The following CCDC22 variants were observed in gnomAD, a reference collection of about 807,000 sequenced individuals.
CCDC22 encodes the protein CCC complex scaffolding subunit CCDC22.
Under a neutral mutation model 53.1 loss-of-function variants are expected in CCDC22, and 4 were observed. The observed-to-expected ratio is 0.08, with a 90% CI of 0.04 to 0.17. The LOEUF (loss-of-function observed/expected upper bound fraction) is 0.17. Ranked by LOEUF, CCDC22 falls within the 10% of genes least tolerant of loss-of-function variation. CCDC22 has a pLI of 1.00. For synonymous variants in CCDC22, 222 were observed against 224.4 expected (o/e 0.99, Z 0.10); for missense variants, 458 against 554.0 (o/e 0.83, Z 1.74).
At chrX:49,238,741 G>A (rs926370847) in intron 2 of CCDC22, among the ~76,000 whole-genome samples, 2 of 110,657 alleles carry the variant, frequency 1.8e-5, no homozygotes, top group Non-Finnish European at 3.8e-5. Context: ...TAAATTTTTC[G>A]TAGAGACGGG....
rs886519302 is a variant in CCDC22 at position 49,249,361 on chromosome X, C to T, written c.1635+99C>T. On this transcript the variant is annotated intron_variant, in intron 14 of 16. Coordinates refer to ENST00000376227, the MANE Select transcript of CCDC22 (RefSeq NM_014008.5). ...CTGGGGTCCAGACCCAGGCCCTGTG[C>T]GAGGCTGGAGGTGCACTGATACCCA... The T allele has an allele frequency of 2.0e-5, 18 of 879,494 alleles. No homozygotes were observed. The South Asian group carries it at 3.4e-4, about 17-fold the overall frequency. The allele number at this position is 879,494 out of a possible 1,213,427, so 72.5% of individuals were successfully genotyped here.
intron 6 of CCDC22, among the ~76,000 whole-genome samples, chrX:49,245,972 G>GTTTTTTTTTTTTT (rs57878026): frequency 9.6e-6 from 1 of 103,728 alleles, no homozygotes; most frequent in Admixed American, 1.0e-4. Context: ...GTTTTGTTTT[G>GTTTTTTTTTTTTT]TTTTTTTTTT....
intron 2 of CCDC22, among the ~76,000 whole-genome samples, chrX:49,238,075 CTTTTTTTT>C (rs58787414): frequency 4.7e-5 from 4 of 84,377 alleles, no homozygotes; most frequent in East Asian, 7.2e-4. Context: ...TTCTTTTTTT[CTTTTTTTT>C]TTTTTTTTGA....
Position 49,242,172 on chromosome X carries a change from C to T in CCDC22, c.361+24C>T, listed in dbSNP as rs373797772. The T allele has an allele frequency of 1.1e-3, 1,328 of 1,197,166 alleles. 2 individuals are homozygous for T. The highest frequency in any genetic ancestry group is 1.2e-3 in the Non-Finnish European group (1,066 of 888,450). ...AGGTACTGGGTGTCTGGGGTGTGGG[C>T]GGGGGCGGTGAGGGGAGAGGAGGGC... On this transcript the variant is annotated intron_variant, in intron 3 of 16. Coordinates refer to ENST00000376227, the MANE Select transcript of CCDC22 (RefSeq NM_014008.5).
At chrX:49,236,177 C>T (rs782545737) in intron 1 of CCDC22, among the ~76,000 whole-genome samples, 2 of 102,915 alleles carry the variant, frequency 1.9e-5, no homozygotes, top group African/African-American at 3.5e-5. Context: ...TCCCCAAACA[C>T]CTGGGGCTTA....
chrX:49,239,337 C>A, intron 2 of CCDC22: 1 of 332,722 alleles, frequency 3.0e-6, no homozygotes, highest in Non-Finnish European at 3.9e-6. Context: ...AGAATTGTAG[C>A]TACTGTATAG....
At chrX:49,240,058 T>C (rs1228271686) in intron 2 of CCDC22, among the ~76,000 whole-genome samples, 12 of 107,277 alleles carry the variant, frequency 1.1e-4, no homozygotes, top group African/African-American at 4.1e-4. Flanking sequence ...GAGATCAGCC[T>C]GGGCAACATA....
At chrX:49,242,374 G>C in intron 3 of CCDC22, 1 of 737,732 alleles carries the variant, frequency 1.4e-6, no homozygotes, top group Non-Finnish European at 1.6e-6. Context: ...GGTGCGGGGA[G>C]GGGCCTCCCT....
In CCDC22 at chrX:49,246,822, C is replaced by T. The variant is rs782107420; in HGVS notation, c.806C>T (p.Ala269Val). 8.3e-7 allele frequency: 1 copy of T among 1,200,333 alleles called. No homozygotes were observed. The highest frequency in any genetic ancestry group is 1.1e-6 in the Non-Finnish European group (1 of 889,411). Reference sequence around the variant, plus strand: ...GGCCTGCTTGGGGCCCCCATACAAGCCCGGGACCTGGGAGAACTGCTGCAG... The same window carrying T: ...GGCCTGCTTGGGGCCCCCATACAAGTCCGGGACCTGGGAGAACTGCTGCAG... ...SWGLLGAPIQARDLGELLQAW... is the reference protein window; with the variant it reads ...SWGLLGAPIQVRDLGELLQAW... The change falls in exon 7 of 17, where the codon GCC becomes GTC. Residue 269 changes from alanine to valine, a missense_variant. Ala to Val is a moderately conservative substitution (Grantham distance 64). Transcript: ENST00000376227.
chrX:49,241,898 G>A (rs1337161004), intron 2 of CCDC22, 118 bp from the exon 3 acceptor site: 4 of 791,184 alleles, frequency 5.1e-6, no homozygotes, highest in Non-Finnish European at 7.4e-6. Flanking sequence ...TTGGGGAGCT[G>A]GGGGAGGTTG....
intron 6 of CCDC22, among the ~76,000 whole-genome samples, chrX:49,246,178 G>A (rs2065988852): frequency 9.0e-6 from 1 of 111,018 alleles, no homozygotes; most frequent in Non-Finnish European, 1.9e-5. Flanking sequence ...TACCATGTTG[G>A]CCAGGCTGGT....
chrX:49,249,447 T>G, intron 14 of CCDC22, 62 bp from the exon 15 acceptor site: 5 of 1,093,573 alleles, frequency 4.6e-6, no homozygotes, highest in Non-Finnish European at 6.3e-6. Flanking sequence ...GTGGCCTTCT[T>G]AGGGCATGGA....
chrX:49,248,898 C>A lies in CCDC22; in HGVS notation c.1513C>A (p.Arg505=), dbSNP rs782471588. 8.3e-7 allele frequency: 1 copy of A among 1,210,374 alleles called. No individual in the cohort carries two copies. Among genetic ancestry groups the A allele is most frequent in the East Asian group, 3.0e-5 (1 of 33,827 alleles). Residue 505 remains arginine, a synonymous_variant, in exon 13 of 17, where the codon CGG becomes AGG. Transcript: ENST00000376227. ...QRILEIVGNI[R]KQKEEITKIL... The stretch of plus-strand genomic sequence containing the variant: ...CATCCTGGAGATCGTGGGCAACATC[C>A]GGAAGCAGAAGGAAGAGATCACCAA...
At chrX:49,238,509 G>A (rs782725936) in intron 2 of CCDC22, among the ~76,000 whole-genome samples, 3 of 112,792 alleles carry the variant, frequency 2.7e-5, no homozygotes, top group Non-Finnish European at 5.6e-5. Context: ...TACCTCTGTG[G>A]GAACCACATA....
At chrX:49,237,013 C>A (rs2065941049) in intron 1 of CCDC22, 73 bp from the exon 2 acceptor site, 1 of 1,032,214 alleles carries the variant, frequency 9.7e-7, no homozygotes, top group Non-Finnish European at 1.3e-6. Context: ...CTAGTGTTTC[C>A]AAAAGGCTGC....
intron 2 of CCDC22, among the ~76,000 whole-genome samples, chrX:49,238,374 C>T (rs1302319901): frequency 9.0e-6 from 1 of 111,304 alleles, no homozygotes; most frequent in East Asian, 2.8e-4. Flanking sequence ...CCACTGCGCC[C>T]GGCCGACACG....
rs782674347 is a variant in CCDC22 at position 49,249,556 on chromosome X, T to C, written c.1683T>C (p.Ala561=). The stretch of plus-strand genomic sequence containing the variant: ...TTCGGAAGGCCTATAAGTATCTAGC[T>C]GCTCTGCACGAGGTGAGGGGAGACA... The part of the protein sequence containing the change: ...DAVRKAYKYL[A]ALHENCSQLI... Residue 561 remains alanine, a synonymous_variant, in exon 15 of 17, where the codon GCT becomes GCC. Transcript: ENST00000376227. 2 of 1,097,560 alleles carry C rather than the reference T, an allele frequency of 1.8e-6. No individual in the cohort carries two copies. Among genetic ancestry groups the C allele is most frequent in the African/African-American group, 2.0e-5 (1 of 48,968 alleles). 90.5% of individuals were successfully genotyped at this position (1,097,560 alleles called of 1,213,427 possible).
At position 49,249,645 on chromosome X, in the gene CCDC22, C is replaced by T; in HGVS notation, c.1696-6C>T. ...GGTGCAAGCCTTCTGCTCCTGTTGT[C>T]CCCAGAACTGCAGCCAGCTCATCCA... On this transcript the variant is annotated splice_polypyrimidine_tract_variant and splice_region_variant and intron_variant, in intron 15 of 16. Coordinates refer to ENST00000376227, the MANE Select transcript of CCDC22 (RefSeq NM_014008.5). 8.3e-7 allele frequency: 1 copy of T among 1,210,113 alleles called. No homozygotes were observed. Among genetic ancestry groups the T allele is most frequent in the African/African-American group, 1.7e-5 (1 of 57,782 alleles).
chrX:49,237,447 C>CAA (rs782611830), intron 2 of CCDC22, among the ~76,000 whole-genome samples, 184 bp downstream of exon 2: 167 of 112,437 alleles, frequency 1.5e-3, no homozygotes, highest in Non-Finnish European at 2.8e-3. Flanking sequence ...GACTGTACTG[C>CAA]CAAACTGCCT....
Sources: gnomAD v4.1 joint callset for allele counts (sites outside exome capture counted in the v4.1 genomes callset) on GRCh38, gnomAD v4.1.1 for gene constraint, MANE v1.5 for transcripts, NCBI Gene and HGNC (gene_info 2026-07-23, HGNC 2026-07-21) for gene names.